Variants in SEL1L observed in about 807,000 individuals in gnomAD.
SEL1L encodes the protein SEL1L adaptor subunit of SYVN1 ubiquitin ligase.
A neutral mutation model predicts 109.8 loss-of-function variants in SEL1L; 52 were observed. The ratio of observed to expected loss-of-function variants is 0.47; its 90% confidence interval spans 0.38 to 0.60. SEL1L has a LOEUF of 0.60. SEL1L is among the 20% of genes least tolerant of loss of function. The pLI is 0.00. For missense variants in SEL1L, 749 were observed against 962.2 expected (o/e 0.78, Z 2.93); for synonymous variants, 373 against 339.6 (o/e 1.10, Z -1.08).
At position 81,486,356 on chromosome 14, in the gene SEL1L, C is replaced by G; in HGVS notation, c.1731G>C (p.Gln577His). The G allele has an allele frequency of 6.2e-7, 1 of 1,614,114 alleles. No homozygotes were observed. The highest frequency in any genetic ancestry group is 8.5e-7 in the Non-Finnish European group (1 of 1,180,016). The part of the protein sequence containing the change: ...KDGDYNAAVI[Q>H]YLLLAEQGYE... Reference sequence around the variant, plus strand: ...AGCCCTGTTCAGCCAGGAGGAGGTACTGGATCACTGCAGCATTGTAATCGC... The same window carrying G: ...AGCCCTGTTCAGCCAGGAGGAGGTAGTGGATCACTGCAGCATTGTAATCGC... Residue 577 changes from glutamine to histidine, a missense_variant, in exon 17 of 21, where the codon CAG becomes CAC. Transcript: ENST00000336735.
rs555161896 is a variant in SEL1L at position 81,478,811 on chromosome 14, C to T, written c.2175+801G>A. 7.9e-5 allele frequency among the ~76,000 whole-genome samples: 12 copies of T among 152,304 alleles called. No homozygotes were observed. In the East Asian group the frequency reaches 1.7e-3, roughly 22 times the overall value. On this transcript the variant is annotated intron_variant, in intron 20 of 20. Transcript: ENST00000336735. The stretch of plus-strand genomic sequence containing the variant: ...ATGGACTACATTTATACCTGTGACA[C>T]ACATGAGGGAAAGCCCATTCTTGAA...
intron 6 of SEL1L, among the ~76,000 whole-genome samples, chr14:81,501,206 A>C (rs1883992537): frequency 6.6e-6 from 1 of 152,248 alleles, no homozygotes; most frequent in South Asian, 2.1e-4. Flanking sequence ...TGATGCCAAC[A>C]GGAGAGCTAC....
chr14:81,527,472 C>CAT lies in SEL1L; in HGVS notation c.108+228_108+229insAT, dbSNP rs1276588010. 8.3e-4 allele frequency among the ~76,000 whole-genome samples: 122 copies of CAT among 146,912 alleles called. 2 individuals are homozygous for CAT. The highest frequency in any genetic ancestry group is 1.5e-3 in the Non-Finnish European group (101 of 65,952). On this transcript the variant is annotated intron_variant, in intron 2 of 20. Transcript: ENST00000336735. ...ACACACACACACACACACACACACA[C>CAT]AGAGCACATTCAAGTTGAAATGAAA...
chr14:81,482,096 ATTAT>A (rs1006033272), intron 19 of SEL1L, among the ~76,000 whole-genome samples: 29 of 152,162 alleles, frequency 1.9e-4, no homozygotes, highest in African/African-American at 7.0e-4. Flanking sequence ...TTCATAAATG[ATTAT>A]TTATTCTCAA....
At chr14:81,524,450 A>T (rs1885036879) in intron 3 of SEL1L, among the ~76,000 whole-genome samples, 1 of 152,244 alleles carries the variant, frequency 6.6e-6, no homozygotes, top group Non-Finnish European at 1.5e-5. Context: ...CAGTTTATAG[A>T]ATAAACAGCA....
chr14:81,482,652 G>C (rs1903395366), intron 19 of SEL1L, among the ~76,000 whole-genome samples: 1 of 152,156 alleles, frequency 6.6e-6, no homozygotes, highest in African/African-American at 2.4e-5. Flanking sequence ...AATGTACTGA[G>C]TTTGCTGCTC....
chr14:81,485,558 C>T, intron 18 of SEL1L, 114 bp downstream of exon 18: 3 of 892,404 alleles, frequency 3.4e-6, no homozygotes, highest in Non-Finnish European at 3.5e-6. Flanking sequence ...TCCGAAAGTG[C>T]TAGGGTTACA....
Position 81,486,471 on chromosome 14 carries a change from A to G in SEL1L, c.1633-17T>C, listed in dbSNP as rs1198599731. 1.2e-6 allele frequency: 2 copies of G among 1,609,114 alleles called. No homozygotes were observed. Among genetic ancestry groups the G allele is most frequent in the Non-Finnish European group, 1.7e-6 (2 of 1,177,334 alleles). On this transcript the variant is annotated splice_polypyrimidine_tract_variant and intron_variant, in intron 16 of 20. Transcript: ENST00000336735. ...CTTAAACAACTGTGTGAGGTGGGGAAAAAAAATATCAGTAGAAGAAAATAA... is the reference window on the plus strand; with the variant it reads ...CTTAAACAACTGTGTGAGGTGGGGAGAAAAAATATCAGTAGAAGAAAATAA...
At chr14:81,491,698 A>G (rs1037221132) in intron 12 of SEL1L, among the ~76,000 whole-genome samples, 56 of 152,220 alleles carry the variant, frequency 3.7e-4, no homozygotes, top group African/African-American at 1.3e-3. Context: ...ATAATGAAAA[A>G]GTTTTGAGAT....
At chr14:81,492,432 G>T in intron 12 of SEL1L, 48 bp downstream of exon 12, 3 of 1,303,544 alleles carry the variant, frequency 2.3e-6, no homozygotes, top group African/African-American at 1.5e-5. Context: ...TGCTAATTAT[G>T]CAAACACCTC....
At chr14:81,497,824 C>T (rs1883831626) in intron 10 of SEL1L, 68 bp downstream of exon 10, 10 of 1,431,772 alleles carry the variant, frequency 7.0e-6, no homozygotes, top group Non-Finnish European at 8.6e-6. Flanking sequence ...TAAGTGCTTG[C>T]TCCCGTCCCC....
At chr14:81,531,552 GT>G (rs890207194) in intron 1 of SEL1L, among the ~76,000 whole-genome samples, 8 of 143,936 alleles carry the variant, frequency 5.6e-5, no homozygotes, top group Non-Finnish European at 1.3e-4. Flanking sequence ...ACACAGGGTT[GT>G]TTTTTTTTCT....
At chr14:81,519,676 G>T (rs1884834383) in intron 3 of SEL1L, among the ~76,000 whole-genome samples, 1 of 152,088 alleles carries the variant, frequency 6.6e-6, no homozygotes, top group Admixed American at 6.5e-5. Flanking sequence ...AAGAGCAAAA[G>T]GAAGAAGGCC....
At chr14:81,493,502 C>T (rs1420403249) in intron 11 of SEL1L, among the ~76,000 whole-genome samples, 1 of 136,884 alleles carries the variant, frequency 7.3e-6, no homozygotes, top group Non-Finnish European at 1.6e-5. Context: ...AGAGTGAACC[C>T]TGTCTCAAAA....
rs185369583 is a variant in SEL1L, at chr14:81,480,314, C to T, written c.2047-574G>A. Among the ~76,000 whole-genome samples the T allele has an allele frequency of 8.1e-3, 1,234 of 152,236 alleles. 10 individuals are homozygous for T. Among genetic ancestry groups the T allele is most frequent in the Middle Eastern group, 0.014 (4 of 294 alleles). Reference sequence around the variant, plus strand: ...ACGCCATTCTCCTGCCTCAGCTTCCCGAGTAGCTGGGACTACAGGTGCCTG... The same window carrying T: ...ACGCCATTCTCCTGCCTCAGCTTCCTGAGTAGCTGGGACTACAGGTGCCTG... On this transcript the variant is annotated intron_variant, in intron 19 of 20. Coordinates refer to ENST00000336735, the MANE Select transcript of SEL1L (RefSeq NM_005065.6).
chr14:81,509,399 G>A (rs554398692), intron 3 of SEL1L, among the ~76,000 whole-genome samples: 31 of 152,150 alleles, frequency 2.0e-4, no homozygotes, highest in Non-Finnish European at 3.7e-4. Context: ...ATCTGACACC[G>A]TGAAAGGGAA....
At chr14:81,486,510 G>C in intron 16 of SEL1L, 56 bp from the exon 17 acceptor site, 2 of 1,565,428 alleles carry the variant, frequency 1.3e-6, no homozygotes, top group Non-Finnish European at 1.7e-6. Flanking sequence ...AGATATACCA[G>C]AAAATCACTT....
Position 81,473,622 on chromosome 14 carries a change from G to A in SEL1L, c.*3350C>T, listed in dbSNP as rs544465822. On this transcript the variant is annotated 3_prime_UTR_variant, in exon 21 of 21. Coordinates refer to ENST00000336735, the MANE Select transcript of SEL1L (RefSeq NM_005065.6). Reference sequence around the variant, plus strand: ...TTCAAAACAAATATCAGCTGTCACTGAAATATAGCCCTGCTTGTCTTGGCA... The same window carrying A: ...TTCAAAACAAATATCAGCTGTCACTAAAATATAGCCCTGCTTGTCTTGGCA... 3 of 152,242 alleles carry A rather than the reference G, an allele frequency of 2.0e-5. No individual in the cohort carries two copies. The East Asian group carries it at 5.8e-4, about 29-fold the overall frequency. The allele number at this position is 152,242 out of a possible 1,614,324, so 9.4% of individuals were successfully genotyped here.
At chr14:81,524,717 G>C (rs115063126) in intron 3 of SEL1L, among the ~76,000 whole-genome samples, 13,697 of 151,974 alleles carry the variant, frequency 0.09, 1,993 homozygotes, top group African/African-American at 0.31. Flanking sequence ...ACTAAAAATA[G>C]AAGAAAATTA....
Sources: gnomAD v4.1 joint callset for allele counts (sites outside exome capture counted in the v4.1 genomes callset) on GRCh38, gnomAD v4.1.1 for gene constraint, MANE v1.5 for transcripts, NCBI Gene and HGNC (gene_info 2026-07-23, HGNC 2026-07-21) for gene names.